RASSF3: variants seen among roughly 807,000 people sequenced by gnomAD.
RASSF3 encodes the protein ras association domain-containing protein 3.
RASSF3 carries 19 observed loss-of-function variants against 19.9 expected under a neutral mutation model. The ratio of observed to expected loss-of-function variants is 0.96; its 90% CI spans 0.67 to 1.40. The LOEUF (loss-of-function observed/expected upper bound fraction) is 1.40, where lower values mean the gene tolerates loss of function less well. Ranked by LOEUF, RASSF3 falls within the 40% of genes most tolerant of loss-of-function variation. The pLI, the probability that RASSF3 is intolerant of heterozygous loss-of-function variation, is 0.00. For missense variants in RASSF3, 306 were observed against 289.8 expected (o/e 1.06, Z -0.41); for synonymous variants, 110 against 104.2 (o/e 1.06, Z -0.34).
intron 2 of RASSF3, among the ~76,000 whole-genome samples, chr12:64,553,346 G>C (rs534404220): frequency 6.6e-6 from 1 of 152,114 alleles, no homozygotes. Context: ...AGGGTGGACC[G>C]GGGGGTTAAA....
chr12:64,691,570 A>T lies in RASSF3; in HGVS notation c.558A>T (p.Glu186Asp), dbSNP rs764918866. The change falls in exon 4 of 5, where the codon GAA becomes GAT. Residue 186 changes from glutamate (E) to aspartate (D), a missense_variant. Physicochemically the swap from Glu to Asp is conservative, Grantham distance 45. Transcript: ENST00000542104. ...DTLSFVLREH[E>D]IGEWEAFSLP... ...TTAGTTTTGTTCTTCGTGAACATGA[A>T]ATTGGAGAGGTAAGTTATTGTTCAC... 6.2e-7 allele frequency: 1 copy of T among 1,603,028 alleles called. No individual in the cohort carries two copies. The highest frequency in any genetic ancestry group is 8.5e-7 in the Non-Finnish European group (1 of 1,170,058).
At chr12:64,597,902 G>A (rs1440399756) in intron 2 of RASSF3, among the ~76,000 whole-genome samples, 1 of 151,428 alleles carries the variant, frequency 6.6e-6, no homozygotes, top group Non-Finnish European at 1.5e-5. Flanking sequence ...TCCTTTGAAG[G>A]CTTCCTGACC....
intron 1 of RASSF3, among the ~76,000 whole-genome samples, chr12:64,671,811 C>T (rs1311173852): frequency 1.3e-5 from 2 of 152,330 alleles, no homozygotes; most frequent in Non-Finnish European, 2.9e-5. Context: ...AGAGGGGTAT[C>T]TTTCTTCATT....
intron 1 of RASSF3, among the ~76,000 whole-genome samples, chr12:64,665,409 C>T (rs1418585959): frequency 1.3e-5 from 2 of 152,144 alleles, no homozygotes; most frequent in Non-Finnish European, 2.9e-5. Flanking sequence ...TTAATTGATA[C>T]ACATTAATTT....
chr12:64,685,319 C>T (rs1473345711), intron 2 of RASSF3, among the ~76,000 whole-genome samples: 1 of 152,154 alleles, frequency 6.6e-6, no homozygotes, highest in Non-Finnish European at 1.5e-5. Flanking sequence ...GATCACCGCT[C>T]ACTGCAGCCT....
chr12:64,509,177 C>A (rs958973918), intron 1 of RASSF3, among the ~76,000 whole-genome samples: 1 of 152,074 alleles, frequency 6.6e-6, no homozygotes, highest in Non-Finnish European at 1.5e-5. Flanking sequence ...AGGCCAGGGG[C>A]GGTGGCTCAT....
upstream of RASSF3, among the ~76,000 whole-genome samples, chr12:64,530,396 G>A (rs1042146954): frequency 3.3e-5 from 5 of 151,584 alleles, no homozygotes; most frequent in Non-Finnish European, 5.9e-5. Flanking sequence ...ACCCGCCTCA[G>A]CCTCCCAAAG....
chr12:64,678,703 T>TGG lies in RASSF3; in HGVS notation c.112-6081_112-6080dup. ...CCAAAAACCTCTTGTGGGGCTGGGGTGGGGAGTAAGGTAAACTAGGCTGTC... is the reference window on the plus strand; with the variant it reads ...CCAAAAACCTCTTGTGGGGCTGGGGTGGGGGGAGTAAGGTAAACTAGGCTGTC... On this transcript the variant is annotated intron_variant, in intron 1 of 4. Transcript: ENST00000542104. 6.3e-5 allele frequency among the ~76,000 whole-genome samples: 6 copies of TGG among 95,340 alleles called. 1 individual carries two copies. The Middle Eastern group carries it at 0.037, about 593-fold the overall frequency. The allele number at this position is 95,340 out of a possible 152,430, so 62.5% of individuals were successfully genotyped here.
In RASSF3 at chr12:64,548,177, T is replaced by C. The variant is rs368104891; in HGVS notation, c.294+6472T>C. Among the ~76,000 whole-genome samples, 40 of 152,198 alleles carry C rather than the reference T, an allele frequency of 2.6e-4. 1 individual carries two copies. The highest frequency in any genetic ancestry group is 9.8e-4 in the Admixed American group (15 of 15,276). On this transcript the variant is annotated intron_variant, in intron 2 of 5. Transcript: ENST00000637125. ...CTTCATATCTTTTTAAATTTTTTAT[T>C]GTATTTTATTTATTTATTTTGAGAC...
chr12:64,550,879 T>C (rs1416701566), intron 2 of RASSF3, among the ~76,000 whole-genome samples: 2 of 149,082 alleles, frequency 1.3e-5, no homozygotes, highest in Non-Finnish European at 3.0e-5. Context: ...CTGATGCTCA[T>C]GTCCATAAAG....
At chr12:64,690,450 G>T (rs1868265061) in intron 3 of RASSF3, among the ~76,000 whole-genome samples, 1 of 152,024 alleles carries the variant, frequency 6.6e-6, no homozygotes, top group Non-Finnish European at 1.5e-5. Context: ...CTCCCAAAGT[G>T]CTGGGATTAC....
chr12:64,610,056 GC>G, upstream of RASSF3, among the ~76,000 whole-genome samples: 1 of 152,128 alleles, frequency 6.6e-6, no homozygotes, highest in African/African-American at 2.4e-5. Context: ...GGGTCCCTCG[GC>G]CGGGCAACCC....
At chr12:64,624,899 C>A (rs1247569274) in intron 1 of RASSF3, among the ~76,000 whole-genome samples, 1 of 150,372 alleles carries the variant, frequency 6.7e-6, no homozygotes, top group African/African-American at 2.4e-5. Flanking sequence ...GATCTCCTGA[C>A]TTCGCGATCT....
chr12:64,549,261 C>T (rs1306573789), intron 2 of RASSF3, among the ~76,000 whole-genome samples: 1 of 152,108 alleles, frequency 6.6e-6, no homozygotes, highest in Non-Finnish European at 1.5e-5. Context: ...CCTATAATCC[C>T]AACACTTTGG....
Position 64,610,619 on chromosome 12 carries a change from A to C in RASSF3, c.-14A>C. On this transcript the variant is annotated 5_prime_UTR_variant, in exon 1 of 5. Coordinates refer to ENST00000542104, the MANE Select transcript of RASSF3 (RefSeq NM_178169.4). The stretch of plus-strand genomic sequence containing the variant: ...GCCCCGGGGAGGCCGCCCGCGCGCG[A>C]CGGGACCGGCAGCATGAGCAGCGGC... 6.7e-7 allele frequency: 1 copy of C among 1,492,874 alleles called. No individual in the cohort carries two copies. Among genetic ancestry groups the C allele is most frequent in the Non-Finnish European group, 9.0e-7 (1 of 1,116,802 alleles). 92.5% of individuals were successfully genotyped at this position (1,492,874 alleles called of 1,614,324 possible). A position where few individuals can be genotyped will look rare whatever the true frequency, so the allele number is the denominator to read the frequency against.
intron 1 of RASSF3, among the ~76,000 whole-genome samples, chr12:64,644,128 T>C (rs1871643431): frequency 6.6e-6 from 1 of 152,234 alleles, no homozygotes; most frequent in Admixed American, 6.5e-5. Flanking sequence ...AGGAAATAGC[T>C]TAAACTTTGT....
chr12:64,628,227 A>C (rs1355666002), intron 1 of RASSF3: 1 of 152,200 alleles, frequency 6.6e-6, no homozygotes, highest in Non-Finnish European at 1.5e-5. Context: ...AATGGATTTC[A>C]TGTAAGCCAA....
intron 4 of RASSF3, among the ~76,000 whole-genome samples, chr12:64,692,490 G>A (rs1158179853): frequency 6.6e-6 from 1 of 152,090 alleles, no homozygotes; most frequent in Non-Finnish European, 1.5e-5. Flanking sequence ...GGAAGACAGT[G>A]GTTTTACATG....
chr12:64,691,267 C>A (rs573002670), intron 3 of RASSF3, among the ~76,000 whole-genome samples: 1 of 152,176 alleles, frequency 6.6e-6, no homozygotes, highest in Non-Finnish European at 1.5e-5. Context: ...TTAATCAAGG[C>A]ACAGTTTATA....
Sources: gnomAD v4.1 joint callset for allele counts (sites outside exome capture counted in the v4.1 genomes callset) on GRCh38, gnomAD v4.1.1 for gene constraint, MANE v1.5 for transcripts, NCBI Gene and HGNC (gene_info 2026-07-23, HGNC 2026-07-21) for gene names.